The following GRIK4 variants were observed in gnomAD, a reference collection of about 807,000 sequenced individuals.
The protein encoded by GRIK4 is glutamate ionotropic receptor kainate type subunit 4, also known as glutamate receptor ionotropic, kainate 4.
In GRIK4, 40 loss-of-function variants were observed where a neutral mutation model predicts 104.9. That is an observed-to-expected ratio of 0.38 (90% CI 0.30 to 0.50). The LOEUF (loss-of-function observed/expected upper bound fraction) is 0.50, where lower values mean the gene tolerates loss of function less well. Among genes scored for constraint, GRIK4 ranks in the 20% least tolerant of loss-of-function variants. The probability of loss-of-function intolerance (pLI) is 0.93; values close to 1 mark genes in which losing one functional copy is unlikely to be tolerated. For missense variants in GRIK4, 1,047 were observed against 1,308.1 expected, an observed-to-expected ratio of 0.80 and a Z score of 3.08; for synonymous variants, 485 against 524.9, an observed-to-expected ratio of 0.92 and a Z score of 1.04.
chr11:120,903,434 G>C lies in GRIK4; in HGVS notation c.1273-1856G>C, dbSNP rs1461862135. Among the ~76,000 whole-genome samples, 1 of 151,950 alleles carries C rather than the reference G, an allele frequency of 6.6e-6. No homozygotes were observed. Among genetic ancestry groups the C allele is most frequent in the Non-Finnish European group, 1.5e-5 (1 of 67,942 alleles). On this transcript the variant is annotated intron_variant, in intron 12 of 20. Coordinates refer to ENST00000527524, the MANE Select transcript of GRIK4 (RefSeq NM_014619.5). This position sits in a 1 kb window ranked among gnomAD's most constrained non-coding sequence, Gnocchi z 4.4. ...CCCTCTACCTCACCTCCAGGCTCAG[G>C]CCTCAACCTCACCCCGCCCCACCCT...
At chr11:120,526,918 G>A (rs1013256633) in intron 1 of GRIK4, among the ~76,000 whole-genome samples, 1 of 152,188 alleles carries the variant, frequency 6.6e-6, no homozygotes, top group African/African-American at 2.4e-5. Context: ...GCTAAAGGGC[G>A]GTCACTTGAC....
At position 120,735,659 on chromosome 11, in the gene GRIK4, A is replaced by G. The variant is rs191982602; in HGVS notation, c.83-67034A>G. Among the ~76,000 whole-genome samples the G allele has an allele frequency of 4.3e-4, 65 of 150,960 alleles. No homozygotes were observed. The East Asian group carries it at 9.7e-3, about 23-fold the overall frequency. ...GTTCCCCCAGGCCCAAAGTGGGTCT[A>G]TAGATACTGTCTGGGAGCCAGGGAT... On this transcript the variant is annotated intron_variant, in intron 3 of 20. Transcript: ENST00000527524.
At chr11:120,708,443 A>G (rs1054573042) in intron 3 of GRIK4, among the ~76,000 whole-genome samples, 2 of 152,216 alleles carry the variant, frequency 1.3e-5, no homozygotes, top group South Asian at 4.1e-4. Context: ...GAGAGACCAG[A>G]AATAGCCTCC....
At chr11:120,760,175 G>C (rs1196989521) in intron 3 of GRIK4, among the ~76,000 whole-genome samples, 1 of 151,516 alleles carries the variant, frequency 6.6e-6, no homozygotes, top group Non-Finnish European at 1.5e-5. Flanking sequence ...GATAACCACT[G>C]TTTTATTCTC....
At chr11:120,803,421 T>A (rs953265194) in intron 4 of GRIK4, among the ~76,000 whole-genome samples, 18 of 152,062 alleles carry the variant, frequency 1.2e-4, no homozygotes, top group African/African-American at 4.3e-4. Flanking sequence ...GGTTGTTAGG[T>A]TGTTGTGAGG....
intron 11 of GRIK4, among the ~76,000 whole-genome samples, chr11:120,876,310 A>G (rs1431396591): frequency 6.0e-5 from 1 of 16,688 alleles, no homozygotes; most frequent in African/African-American, 2.6e-4. Flanking sequence ...CACAACCACA[A>G]AACCACTACC....
chr11:120,964,249 C>T (rs192657697), intron 18 of GRIK4, among the ~76,000 whole-genome samples: 3 of 152,144 alleles, frequency 2.0e-5, no homozygotes, highest in African/African-American at 4.8e-5. Flanking sequence ...ACCTCAGCCT[C>T]CCAAAGTGCT....
Position 120,903,231 on chromosome 11 carries a change from C to T in GRIK4, c.1273-2059C>T, listed in dbSNP as rs186268771. Among the ~76,000 whole-genome samples the T allele has an allele frequency of 3.6e-4, 55 of 152,308 alleles. No homozygotes were observed. Among genetic ancestry groups the T allele is most frequent in the Non-Finnish European group, 7.1e-4 (48 of 68,026 alleles). The stretch of plus-strand genomic sequence containing the variant: ...CCAGCTGCCTGTCTGCATCCAGCCT[C>T]CCCTCTGCAGCCGGGCCTTGGTAAT... On this transcript the variant is annotated intron_variant, in intron 12 of 20. Transcript: ENST00000527524. The surrounding 1 kb of genome is among the most constrained non-coding windows in gnomAD (Gnocchi z 4.4).
chr11:120,724,252 G>C (rs779233050), intron 3 of GRIK4, among the ~76,000 whole-genome samples: 1 of 152,134 alleles, frequency 6.6e-6, no homozygotes. Flanking sequence ...GGGCTCAAGC[G>C]ATCCTCCTTA....
chr11:120,641,097 T>G (rs1432759574), intron 1 of GRIK4, among the ~76,000 whole-genome samples: 1 of 152,260 alleles, frequency 6.6e-6, no homozygotes, highest in Non-Finnish European at 1.5e-5. Context: ...ATAGCCACTT[T>G]GCCATATCTG....
intron 1 of GRIK4, among the ~76,000 whole-genome samples, chr11:120,533,835 C>T (rs1354963861): frequency 6.6e-6 from 1 of 152,148 alleles, no homozygotes; most frequent in Non-Finnish European, 1.5e-5. Context: ...CAAGATTGCC[C>T]CACTGCACTC....
At chr11:120,703,987 AT>A (rs1244375291) in intron 3 of GRIK4, among the ~76,000 whole-genome samples, 3 of 152,218 alleles carry the variant, frequency 2.0e-5, no homozygotes, top group Non-Finnish European at 2.9e-5. Context: ...TTAGAACCAC[AT>A]AGTTTTAGTT....
chr11:120,734,431 A>G (rs2846122), intron 3 of GRIK4, among the ~76,000 whole-genome samples: 113,832 of 152,032 alleles, frequency 0.75, 42,986 homozygotes, highest in Middle Eastern at 0.85. Flanking sequence ...TCAGTTGTAT[A>G]TTATTTGTTT....
At chr11:120,858,668 T>C (rs1954182418) in intron 8 of GRIK4, among the ~76,000 whole-genome samples, 2 of 152,232 alleles carry the variant, frequency 1.3e-5, no homozygotes, top group Non-Finnish European at 2.9e-5. Context: ...ATGAAATTTC[T>C]GTTGGTGTCA....
rs1944782396 is a variant in GRIK4 at position 120,987,831 on chromosome 11, A to G, written c.*1571A>G. ...TTCACTAATTGGGAGTTTCACGCAG[A>G]GTTCTCATTGGCTGATGGAAAACAA... On this transcript the variant is annotated 3_prime_UTR_variant, in exon 21 of 21. Transcript: ENST00000527524. 1 of 152,256 alleles carries G rather than the reference A, an allele frequency of 6.6e-6. No individual in the cohort carries two copies. The highest frequency in any genetic ancestry group is 1.5e-5 in the Non-Finnish European group (1 of 68,058). 9.4% of individuals were successfully genotyped at this position (152,256 alleles called of 1,614,324 possible).
intron 3 of GRIK4, among the ~76,000 whole-genome samples, chr11:120,781,992 C>G (rs1952167255): frequency 6.6e-6 from 1 of 152,152 alleles, no homozygotes; most frequent in South Asian, 2.1e-4. Context: ...GCATGTTCTT[C>G]CTCTCTCTCC....
intron 1 of GRIK4, among the ~76,000 whole-genome samples, chr11:120,566,197 G>A (rs112026318): frequency 2.0e-5 from 3 of 152,328 alleles, no homozygotes; most frequent in Admixed American, 6.5e-5. Flanking sequence ...AGGCCGTTTA[G>A]TGAACAGTTG....
intron 1 of GRIK4, among the ~76,000 whole-genome samples, chr11:120,647,642 G>A (rs772711208): frequency 6.6e-5 from 10 of 152,230 alleles, no homozygotes; most frequent in African/African-American, 1.4e-4. Flanking sequence ...CACATGCCTC[G>A]GGGCTCAGTG....
intron 19 of GRIK4, among the ~76,000 whole-genome samples, chr11:120,974,847 G>A (rs1002213739): frequency 6.6e-6 from 1 of 152,220 alleles, no homozygotes; most frequent in African/African-American, 2.4e-5. Context: ...TCCATTCCAA[G>A]CTGTTTCATT....
Sources: allele counts gnomAD v4.1 joint callset (sites outside exome capture counted in the v4.1 genomes callset), GRCh38; gene constraint gnomAD v4.1.1; non-coding constraint Gnocchi (gnomAD v3.1); transcripts MANE v1.5; gene names NCBI Gene and HGNC (gene_info 2026-07-23, HGNC 2026-07-21).